ZBTB16: variants seen among roughly 807,000 people sequenced by gnomAD.
ZBTB16 encodes the protein zinc finger and BTB domain containing 16, also known as zinc finger and BTB domain-containing protein 16.
Under a neutral mutation model 56.8 loss-of-function variants are expected in ZBTB16, and 8 were observed. The observed-to-expected ratio is 0.14, with a 90% confidence interval of 0.08 to 0.25. The LOEUF is 0.25. Ranked by LOEUF, ZBTB16 falls within the 10% of genes least tolerant of loss-of-function variation. The pLI is 1.00. For missense variants in ZBTB16, 625 were observed against 903.0 expected (o/e 0.69, Z 3.95); for synonymous variants, 363 against 368.5 (o/e 0.98, Z 0.17).
At chr11:114,205,622 C>T (rs879378263) in intron 4 of ZBTB16, among the ~76,000 whole-genome samples, 2 of 152,080 alleles carry the variant, frequency 1.3e-5, no homozygotes, top group African/African-American at 2.4e-5. Context: ...GCCTCTGCCT[C>T]GGATTTTCTA....
chr11:114,105,565 T>G (rs1940762514), intron 2 of ZBTB16, among the ~76,000 whole-genome samples: 1 of 152,108 alleles, frequency 6.6e-6, no homozygotes, highest in African/African-American at 2.4e-5. Flanking sequence ...ACATGCTGAG[T>G]GGGGCTGCTT....
intron 4 of ZBTB16, among the ~76,000 whole-genome samples, chr11:114,207,255 T>G (rs2135120140): frequency 6.6e-6 from 1 of 152,114 alleles, no homozygotes; most frequent in African/African-American, 2.4e-5. Flanking sequence ...ATGAAAAAAA[T>G]GTATTAATAG....
chr11:114,157,542 C>T (rs1010368591), intron 3 of ZBTB16, among the ~76,000 whole-genome samples: 1 of 152,190 alleles, frequency 6.6e-6, no homozygotes, highest in East Asian at 1.9e-4. Context: ...CCCCGGGGGG[C>T]GTGTCCCCAT....
chr11:114,175,830 G>C (rs1438218615), intron 3 of ZBTB16, among the ~76,000 whole-genome samples: 1 of 152,076 alleles, frequency 6.6e-6, no homozygotes, highest in Non-Finnish European at 1.5e-5. Flanking sequence ...GGAGTGTCAG[G>C]AGATGCTGGG....
Position 114,250,872 on chromosome 11 carries a change from G to T in ZBTB16, c.*317G>T, listed in dbSNP as rs1944906330. 6.6e-6 allele frequency among the ~76,000 whole-genome samples: 1 copy of T among 152,114 alleles called. No individual in the cohort carries two copies. Among genetic ancestry groups the T allele is most frequent in the African/African-American group, 2.4e-5 (1 of 41,418 alleles). On this transcript the variant is annotated 3_prime_UTR_variant, in exon 7 of 7. Coordinates refer to ENST00000335953, the MANE Select transcript of ZBTB16 (RefSeq NM_006006.6). The surrounding 1 kb of genome is among the most constrained non-coding windows in gnomAD (Gnocchi z 6.0). Reference sequence around the variant, plus strand: ...TTCCTTCACCCAGACCTTCTTTTATGTGTCCAGAAATGGAGGCTAGAAAGC... The same window carrying T: ...TTCCTTCACCCAGACCTTCTTTTATTTGTCCAGAAATGGAGGCTAGAAAGC...
In ZBTB16 at chr11:114,255,470, C is replaced by T. The variant is rs555124065; in HGVS notation, c.*4915C>T. On this transcript the variant is annotated 3_prime_UTR_variant, in exon 7 of 7. Transcript: ENST00000335953. ...CCTTGCCCTCTCCATCTCCCTCTCC[C>T]GCCCTCCCCTCCTCCCTCTGGCTCC... Among the ~76,000 whole-genome samples, 3 of 151,320 alleles carry T rather than the reference C, an allele frequency of 2.0e-5. No individual in the cohort carries two copies. The East Asian group carries it at 5.8e-4, about 29-fold the overall frequency.
chr11:114,239,319 G>T (rs1944655245), intron 4 of ZBTB16, among the ~76,000 whole-genome samples: 1 of 152,122 alleles, frequency 6.6e-6, no homozygotes, highest in Non-Finnish European at 1.5e-5. Flanking sequence ...CTCTTAAAGG[G>T]CATGGCTGGC....
At chr11:114,215,369 A>G (rs1164431402) in intron 4 of ZBTB16, among the ~76,000 whole-genome samples, 10 of 152,054 alleles carry the variant, frequency 6.6e-5, no homozygotes, top group Non-Finnish European at 1.2e-4. Flanking sequence ...CGGGTTCTTC[A>G]TTCTGGAGGA....
chr11:114,118,639 C>T (rs893667664), intron 2 of ZBTB16, among the ~76,000 whole-genome samples: 2 of 152,138 alleles, frequency 1.3e-5, no homozygotes, highest in African/African-American at 4.8e-5. Flanking sequence ...GGGGATCACA[C>T]AATTTGTTAT....
At chr11:114,108,560 C>T (rs940454365) in intron 2 of ZBTB16, among the ~76,000 whole-genome samples, 1 of 152,158 alleles carries the variant, frequency 6.6e-6, no homozygotes, top group Non-Finnish European at 1.5e-5. Context: ...CTCCACATTC[C>T]CCTTCCCTGC....
At chr11:114,179,868 G>C (rs2135037803) in intron 3 of ZBTB16, among the ~76,000 whole-genome samples, 1 of 152,308 alleles carries the variant, frequency 6.6e-6, no homozygotes, top group South Asian at 2.1e-4. Flanking sequence ...TAGGGAGGGA[G>C]GTTCTTTGAC....
At chr11:114,084,549 G>T (rs982762816) in intron 2 of ZBTB16, among the ~76,000 whole-genome samples, 2 of 152,024 alleles carry the variant, frequency 1.3e-5, no homozygotes, top group Non-Finnish European at 2.9e-5. Flanking sequence ...GAGATCTGTG[G>T]CCAGCTGTGT....
rs999174854 is a variant in ZBTB16 at position 114,198,625 on chromosome 11, ATGGAG to A, written c.1453+11588_1453+11592del. ...CAGCTTTAGGTTATAGCAAAATGGA[ATGGAG>A]AGTATAGAGTTCCCACTGTACCCCC... On this transcript the variant is annotated intron_variant, in intron 4 of 6. Coordinates refer to ENST00000335953, the MANE Select transcript of ZBTB16 (RefSeq NM_006006.6). 3.9e-5 allele frequency among the ~76,000 whole-genome samples: 6 copies of A among 152,178 alleles called. No homozygotes were observed. In the East Asian group the frequency reaches 1.2e-3, roughly 29 times the overall value.
intron 4 of ZBTB16, among the ~76,000 whole-genome samples, chr11:114,212,096 C>T (rs796076310): frequency 4.6e-5 from 7 of 150,990 alleles, no homozygotes; most frequent in African/African-American, 1.2e-4. Flanking sequence ...CAGTGTGGAC[C>T]GGGCGAGCTG....
At chr11:114,093,911 G>A (rs1377560149) in intron 2 of ZBTB16, among the ~76,000 whole-genome samples, 1 of 152,196 alleles carries the variant, frequency 6.6e-6, no homozygotes, top group Non-Finnish European at 1.5e-5. Flanking sequence ...AATTGTCAAC[G>A]GACATTTTTT....
intron 4 of ZBTB16, among the ~76,000 whole-genome samples, chr11:114,191,002 C>T (rs1943480200): frequency 6.6e-6 from 1 of 152,030 alleles, no homozygotes; most frequent in East Asian, 1.9e-4. Context: ...TGTCACGTGG[C>T]CAGAGCAGGA....
In ZBTB16 at chr11:114,112,745, C is replaced by T. The variant is rs114639989; in HGVS notation, c.1269-43592C>T. 6.1e-3 allele frequency among the ~76,000 whole-genome samples: 889 copies of T among 145,806 alleles called. 4 individuals are homozygous for T. Among genetic ancestry groups the T allele is most frequent in the African/African-American group, 0.02 (807 of 39,522 alleles). On this transcript the variant is annotated intron_variant, in intron 2 of 6. Coordinates refer to ENST00000335953, the MANE Select transcript of ZBTB16 (RefSeq NM_006006.6). ...GGCTCCATAAAGCCATTTCTATTTT[C>T]ACACAGTTCATTTTCTTTTTTTTTT...
chr11:114,173,939 G>A (rs1943038625), intron 3 of ZBTB16, among the ~76,000 whole-genome samples: 1 of 152,192 alleles, frequency 6.6e-6, no homozygotes, highest in South Asian at 2.1e-4. Context: ...GCCTAAGAAG[G>A]GAGTTAAGCA....
intron 5 of ZBTB16, among the ~76,000 whole-genome samples, chr11:114,243,648 A>G (rs1315958573): frequency 6.6e-6 from 1 of 152,234 alleles, no homozygotes; most frequent in Admixed American, 6.5e-5. Flanking sequence ...CTTTCTCTAC[A>G]GCGATTGCGT....
Sources: gnomAD v4.1 joint callset for allele counts (sites outside exome capture counted in the v4.1 genomes callset) on GRCh38, gnomAD v4.1.1 for gene constraint, Gnocchi (gnomAD v3.1) non-coding constraint, MANE v1.5 for transcripts, NCBI Gene and HGNC (gene_info 2026-07-23, HGNC 2026-07-21) for gene names.